Variants in RBMS3 observed in about 807,000 individuals in gnomAD.
RBMS3 encodes RNA-binding motif, single-stranded-interacting protein 3.
A neutral mutation model predicts 66.8 loss-of-function variants in RBMS3; 27 were observed. That is an observed-to-expected ratio of 0.40 (90% CI 0.30 to 0.56). RBMS3 has a LOEUF of 0.56. RBMS3 is among the 20% of genes least tolerant of loss of function. The probability of loss-of-function intolerance (pLI) is 0.40; values close to 1 mark genes in which losing one functional copy is unlikely to be tolerated. For synonymous variants in RBMS3, 188 were observed against 183.0 expected, an observed-to-expected ratio of 1.03 and a Z score of -0.22; for missense variants, 513 against 549.5, an observed-to-expected ratio of 0.93 and a Z score of 0.66.
At chr3:29,515,472 T>G (rs1248464102) in intron 3 of RBMS3, among the ~76,000 whole-genome samples, 1 of 151,594 alleles carries the variant, frequency 6.6e-6, no homozygotes, top group Non-Finnish European at 1.5e-5. Context: ...ATGGCCAGAG[T>G]AATATTTTGG....
At chr3:29,561,168 T>C (rs999339359) in intron 3 of RBMS3, among the ~76,000 whole-genome samples, 2 of 152,206 alleles carry the variant, frequency 1.3e-5, no homozygotes, top group Admixed American at 6.5e-5. Context: ...ATTCCATGTC[T>C]TTGCTATCGT....
At chr3:29,823,511 A>G (rs1212159765) in intron 6 of RBMS3, among the ~76,000 whole-genome samples, 1 of 152,208 alleles carries the variant, frequency 6.6e-6, no homozygotes, top group African/African-American at 2.4e-5. Flanking sequence ...TAACAATGCT[A>G]CTATAAAACA....
chr3:29,729,188 G>T (rs2054018830), intron 4 of RBMS3, among the ~76,000 whole-genome samples: 1 of 124,482 alleles, frequency 8.0e-6, no homozygotes, highest in South Asian at 2.6e-4. Context: ...TGCCCGCCCT[G>T]TGTCCAAGTG....
rs543764763 is a variant in RBMS3, at chr3:29,989,362, A to G, written c.1179+1139A>G. On this transcript the variant is annotated intron_variant, in intron 13 of 14. Coordinates refer to ENST00000383767, the MANE Select transcript of RBMS3 (RefSeq NM_001003793.3). ...TATATTCTTCTTTCTGGTTCTAGCC[A>G]TTACTGTTTTATTGCCCTTCTTTCC... 8.5e-5 allele frequency among the ~76,000 whole-genome samples: 13 copies of G among 152,242 alleles called. No homozygotes were observed. In the South Asian group the frequency reaches 2.1e-3, roughly 24 times the overall value.
chr3:29,433,440 AC>A (rs2041283476), intron 1 of RBMS3, among the ~76,000 whole-genome samples: 1 of 152,204 alleles, frequency 6.6e-6, no homozygotes, highest in Non-Finnish European at 1.5e-5. Context: ...GGTTGATATT[AC>A]TACAAGACAG....
chr3:29,394,676 C>T (rs911524815), intron 1 of RBMS3, among the ~76,000 whole-genome samples: 1 of 152,130 alleles, frequency 6.6e-6, no homozygotes, highest in Non-Finnish European at 1.5e-5. Flanking sequence ...TCAGCCGGTA[C>T]CTCCTTTCTT....
intron 14 of RBMS3, among the ~76,000 whole-genome samples, chr3:29,997,293 A>AAGAGTCCAGGATCACATGGATTCACAG (rs1699310479): frequency 6.6e-6 from 1 of 151,776 alleles, no homozygotes; most frequent in African/African-American, 2.4e-5. Context: ...ACCAACCAAA[A>AAGAGTCCAGGATCACATGGATTCACAG]AGAGTCCAGG....
At position 29,702,531 on chromosome 3, in the gene RBMS3, A is replaced by G. The variant is rs188830807; in HGVS notation, c.400-37189A>G. Reference sequence around the variant, plus strand: ...GCTTTGTTCTTTTGCTCTTTGCAATAAGTCACTGCTGCTCACTTTTTGAGT... The same window carrying G: ...GCTTTGTTCTTTTGCTCTTTGCAATGAGTCACTGCTGCTCACTTTTTGAGT... On this transcript the variant is annotated intron_variant, in intron 4 of 14. Transcript: ENST00000383767. Among the ~76,000 whole-genome samples, 351 of 152,310 alleles carry G rather than the reference A, an allele frequency of 2.3e-3. 2 individuals are homozygous for G. The highest frequency in any genetic ancestry group is 8.0e-3 in the African/African-American group (331 of 41,574).
At chr3:29,347,623 C>G (rs2036655880) in intron 1 of RBMS3, among the ~76,000 whole-genome samples, 1 of 152,090 alleles carries the variant, frequency 6.6e-6, no homozygotes, top group East Asian at 1.9e-4. Flanking sequence ...CACGCAGTTT[C>G]CAAGGTTATG....
At chr3:29,926,586 TGCAA>T (rs2060945786) in intron 10 of RBMS3, among the ~76,000 whole-genome samples, 1 of 152,198 alleles carries the variant, frequency 6.6e-6, no homozygotes, top group South Asian at 2.1e-4. Context: ...GAAAAGGATT[TGCAA>T]GCAGGTCTTT....
intron 2 of RBMS3, among the ~76,000 whole-genome samples, chr3:29,477,175 G>T (rs893553290): frequency 1.3e-5 from 2 of 151,708 alleles, no homozygotes; most frequent in Non-Finnish European, 2.9e-5. Flanking sequence ...CTCTGTTTTC[G>T]TTTGACCCTT....
chr3:29,984,581 C>T (rs987114011), intron 12 of RBMS3, among the ~76,000 whole-genome samples: 9 of 151,992 alleles, frequency 5.9e-5, no homozygotes, highest in African/African-American at 1.9e-4. Context: ...TGCTGGTGAC[C>T]TTCAGATGGG....
At chr3:29,769,989 A>C (rs1335173064) in intron 6 of RBMS3, among the ~76,000 whole-genome samples, 1 of 152,000 alleles carries the variant, frequency 6.6e-6, no homozygotes, top group Non-Finnish European at 1.5e-5. Context: ...AATTTCAGTT[A>C]CATTTTGGAA....
chr3:29,444,822 A>C (rs930940411), intron 2 of RBMS3, among the ~76,000 whole-genome samples: 1 of 56,922 alleles, frequency 1.8e-5, no homozygotes, highest in African/African-American at 5.7e-5. Context: ...TGCTCCATCT[A>C]TACCAAAATA....
At chr3:29,418,563 G>T (rs114713414) in intron 1 of RBMS3, among the ~76,000 whole-genome samples, 62 of 152,122 alleles carry the variant, frequency 4.1e-4, no homozygotes, top group African/African-American at 1.4e-3. Flanking sequence ...GCCAATGGTG[G>T]GTGTGCTAGA....
At chr3:29,292,663 G>A (rs2032915369) in intron 1 of RBMS3, among the ~76,000 whole-genome samples, 1 of 151,510 alleles carries the variant, frequency 6.6e-6, no homozygotes, top group Non-Finnish European at 1.5e-5. Context: ...GTCAATAGCA[G>A]CCTAGTAAAA....
intron 3 of RBMS3, among the ~76,000 whole-genome samples, chr3:29,498,152 G>A (rs2043832684): frequency 6.6e-6 from 1 of 151,232 alleles, no homozygotes; most frequent in Non-Finnish European, 1.5e-5. Flanking sequence ...GCACCACCAT[G>A]CCCAGCTCAT....
chr3:29,564,807 CAGCTT>C (rs1254735704), intron 3 of RBMS3, among the ~76,000 whole-genome samples: 2 of 152,002 alleles, frequency 1.3e-5, no homozygotes. Flanking sequence ...TGTAATGTGT[CAGCTT>C]AGGCAGGTCA....
intron 4 of RBMS3, among the ~76,000 whole-genome samples, chr3:29,591,361 A>C (rs2047731588): frequency 6.6e-6 from 1 of 152,180 alleles, no homozygotes; most frequent in Non-Finnish European, 1.5e-5. Flanking sequence ...GAATTCCCGC[A>C]ATGTAGAATG....
Sources: allele counts gnomAD v4.1 joint callset (sites outside exome capture counted in the v4.1 genomes callset), GRCh38; gene constraint gnomAD v4.1.1; transcripts MANE v1.5; gene names NCBI Gene and HGNC (gene_info 2026-07-23, HGNC 2026-07-21).